Variants in CALN1 observed in about 807,000 individuals in gnomAD.
CALN1 encodes the protein calneuron 1, also known as calcium-binding protein 8.
A neutral mutation model predicts 30.6 loss-of-function variants in CALN1; 17 were observed. The observed-to-expected ratio is 0.56, with a 90% CI of 0.38 to 0.83. CALN1 has a LOEUF of 0.83. Ranked by LOEUF, CALN1 falls within the 40% of genes least tolerant of loss-of-function variation. The pLI, the probability that CALN1 is intolerant of heterozygous loss-of-function variation, is 0.00. For missense variants in CALN1, 291 were observed against 354.9 expected (o/e 0.82, Z 1.45); for synonymous variants, 156 against 131.4 (o/e 1.19, Z -1.28).
intron 1 of CALN1, among the ~76,000 whole-genome samples, chr7:72,443,083 A>T (rs555621086): frequency 7.9e-5 from 12 of 152,250 alleles, no homozygotes; most frequent in Non-Finnish European, 1.5e-4. Context: ...GAGCATTATT[A>T]AGGGTTGCAC....
chr7:72,373,775 A>G (rs1218268376), intron 2 of CALN1, among the ~76,000 whole-genome samples: 1 of 152,218 alleles, frequency 6.6e-6, no homozygotes, highest in East Asian at 1.9e-4. Flanking sequence ...GTAAGCTCAT[A>G]GAATCAGAAA....
chr7:71,892,170 C>T (rs576087449), intron 5 of CALN1, among the ~76,000 whole-genome samples: 2 of 152,136 alleles, frequency 1.3e-5, no homozygotes, highest in Non-Finnish European at 2.9e-5. Flanking sequence ...TTAATATTTG[C>T]TGATTTGATA....
At chr7:71,915,620 G>A (rs1794650253) in intron 5 of CALN1, among the ~76,000 whole-genome samples, 1 of 152,148 alleles carries the variant, frequency 6.6e-6, no homozygotes, top group African/African-American at 2.4e-5. Context: ...TGTAGTTCCC[G>A]CTACTCAGGA....
At chr7:71,978,243 T>A (rs1798197979) in intron 5 of CALN1, among the ~76,000 whole-genome samples, 2 of 139,656 alleles carry the variant, frequency 1.4e-5, no homozygotes, top group South Asian at 5.1e-4. Context: ...TTGCAAAAAC[T>A]CAGGGACTCT....
chr7:72,221,342 G>T (rs1474300304), intron 3 of CALN1, among the ~76,000 whole-genome samples: 12 of 143,090 alleles, frequency 8.4e-5, no homozygotes, highest in Non-Finnish European at 1.2e-4. Context: ...TTTTGAGACG[G>T]GGTATCTATC....
rs1203236067 is a variant in CALN1, at chr7:71,784,830, A to G, written c.*2945T>C. The G allele has an allele frequency of 2.5e-6, 1 of 398,580 alleles. No individual in the cohort carries two copies. Among genetic ancestry groups the G allele is most frequent in the Non-Finnish European group, 4.4e-6 (1 of 226,146 alleles). 24.7% of individuals were successfully genotyped at this position (398,580 alleles called of 1,614,324 possible). A position where few individuals can be genotyped will look rare whatever the true frequency, so the allele number is the denominator to read the frequency against. ...TGGGGCTACATGGCATCCCTTGGGC[A>G]TGGGAGACCAGGACCTTCTGGAATC... On this transcript the variant is annotated 3_prime_UTR_variant, in exon 7 of 7. Transcript: ENST00000395275.
intron 5 of CALN1, among the ~76,000 whole-genome samples, chr7:71,923,676 T>G (rs1018614399): frequency 6.6e-6 from 1 of 152,132 alleles, no homozygotes; most frequent in Non-Finnish European, 1.5e-5. Flanking sequence ...AGGGATAACA[T>G]TCTCATGTAA....
intron 3 of CALN1, among the ~76,000 whole-genome samples, chr7:72,149,753 ACC>A (rs1212560826): frequency 1.3e-5 from 2 of 152,010 alleles, no homozygotes; most frequent in Non-Finnish European, 2.9e-5. Flanking sequence ...AAAACTCATT[ACC>A]ACAGTGATTG....
chr7:72,135,843 T>C (rs945232866), intron 3 of CALN1, among the ~76,000 whole-genome samples: 2 of 152,102 alleles, frequency 1.3e-5, no homozygotes, highest in African/African-American at 4.8e-5. Flanking sequence ...CAATAGAAGG[T>C]TGTTTTAGGC....
intron 5 of CALN1, among the ~76,000 whole-genome samples, chr7:71,930,054 C>A (rs570058238): frequency 2.6e-5 from 4 of 152,012 alleles, no homozygotes; most frequent in African/African-American, 7.3e-5. Flanking sequence ...CTTACAATAC[C>A]GAATGCAATG....
At chr7:72,096,092 A>AAGAT (rs71531789) in intron 4 of CALN1, among the ~76,000 whole-genome samples, 40 of 121,774 alleles carry the variant, frequency 3.3e-4, no homozygotes, top group African/African-American at 5.4e-4. Flanking sequence ...TAGATAGATA[A>AAGAT]AGATAGATAG....
chr7:72,072,524 G>A (rs770035616), intron 4 of CALN1, among the ~76,000 whole-genome samples: 20 of 152,158 alleles, frequency 1.3e-4, no homozygotes, highest in Non-Finnish European at 2.6e-4. Context: ...GAGTCCTTCA[G>A]GGTGAAATTT....
intron 5 of CALN1, among the ~76,000 whole-genome samples, chr7:71,942,970 T>C (rs557993993): frequency 3.6e-4 from 55 of 152,248 alleles, no homozygotes; most frequent in African/African-American, 1.2e-3. Flanking sequence ...GGAAGTCCCT[T>C]CCCCCGTTCC....
chr7:72,446,166 C>G (rs1033158522), intron 1 of CALN1, among the ~76,000 whole-genome samples: 21 of 152,022 alleles, frequency 1.4e-4, no homozygotes, highest in African/African-American at 5.1e-4. Context: ...GTCAAGCTGA[C>G]GGAAAGGAAA....
intron 4 of CALN1, among the ~76,000 whole-genome samples, chr7:72,037,612 CA>C (rs763251575): frequency 2.0e-5 from 3 of 152,210 alleles, no homozygotes; most frequent in Non-Finnish European, 2.9e-5. Context: ...GACCAGAACA[CA>C]GATCCCTGAT....
At chr7:72,051,078 T>G (rs1802807189) in intron 4 of CALN1, among the ~76,000 whole-genome samples, 1 of 151,524 alleles carries the variant, frequency 6.6e-6, no homozygotes, top group Non-Finnish European at 1.5e-5. Context: ...AAAACATTTT[T>G]AAAACTTTAG....
Position 72,106,312 on chromosome 7 carries a change from AG to A in CALN1, c.245-19del. On this transcript the variant is annotated intron_variant, in intron 3 of 6. Coordinates refer to ENST00000395275, the MANE Select transcript of CALN1 (RefSeq NM_031468.4). ...TCGGATTTCTACAATGGAAAAGCAAAGAAAGTCCAGTGGTCACATGGCTGGC... is the reference window on the plus strand; with the variant it reads ...TCGGATTTCTACAATGGAAAAGCAAAAAAGTCCAGTGGTCACATGGCTGGC... 4 of 1,613,530 alleles carry A rather than the reference AG, an allele frequency of 2.5e-6. No homozygotes were observed. Among genetic ancestry groups the A allele is most frequent in the Non-Finnish European group, 3.4e-6 (4 of 1,179,654 alleles).
the CALN1 span, among the ~76,000 whole-genome samples, chr7:72,485,097 T>A: frequency 1.3e-5 from 2 of 152,098 alleles, no homozygotes; most frequent in East Asian, 1.9e-4. Context: ...AAAAAAAAAT[T>A]TTTTTTAATT....
rs551016781 is a variant in CALN1, at chr7:72,366,102, T to C, written c.119+37149A>G. Among the ~76,000 whole-genome samples the C allele has an allele frequency of 3.3e-3, 505 of 152,260 alleles. 1 individual carries two copies. Among genetic ancestry groups the C allele is most frequent in the Non-Finnish European group, 5.4e-3 (369 of 68,028 alleles). On this transcript the variant is annotated intron_variant, in intron 2 of 6. Transcript: ENST00000395275. ...AGTACAAGAAATGTCTATTGATGAGTGACTAAAGTATGGTACATTCCTATA... is the reference window on the plus strand; with the variant it reads ...AGTACAAGAAATGTCTATTGATGAGCGACTAAAGTATGGTACATTCCTATA...
Sources: gnomAD v4.1 joint callset for allele counts (sites outside exome capture counted in the v4.1 genomes callset) on GRCh38, gnomAD v4.1.1 for gene constraint, MANE v1.5 for transcripts, NCBI Gene and HGNC (gene_info 2026-07-23, HGNC 2026-07-21) for gene names.